FAR2: variants seen among roughly 807,000 people sequenced by gnomAD.
FAR2 encodes the protein fatty acyl-CoA reductase 2.
In FAR2, 19 loss-of-function variants were observed where a neutral mutation model predicts 56.0. The observed-to-expected ratio is 0.34, with a 90% CI of 0.24 to 0.50. The LOEUF is 0.50. Ranked by LOEUF, FAR2 falls within the 20% of genes least tolerant of loss-of-function variation. FAR2 has a pLI of 0.98. For synonymous variants in FAR2, 219 were observed against 218.8 expected, an observed-to-expected ratio of 1.00 and a Z score of -0.01; for missense variants, 508 against 642.2, an observed-to-expected ratio of 0.79 and a Z score of 2.26.
chr12:29,264,904 T>A (rs1948487797), intron 1 of FAR2, among the ~76,000 whole-genome samples: 1 of 151,810 alleles, frequency 6.6e-6, no homozygotes, highest in Non-Finnish European at 1.5e-5. Context: ...GAAAAAGAAG[T>A]CCAGAAGGTA....
intron 1 of FAR2, among the ~76,000 whole-genome samples, chr12:29,241,470 G>A (rs571754348): frequency 6.6e-6 from 1 of 152,078 alleles, no homozygotes; most frequent in East Asian, 1.9e-4. Flanking sequence ...ATACTACTCA[G>A]TATTTTTCCC....
At chr12:29,201,343 C>T (rs1215954099) in intron 1 of FAR2, among the ~76,000 whole-genome samples, 1 of 152,076 alleles carries the variant, frequency 6.6e-6, no homozygotes, top group African/African-American at 2.4e-5. Flanking sequence ...TACGTGTGAG[C>T]ATATATTTGT....
chr12:29,151,053 T>C (rs1949677936), intron 1 of FAR2, among the ~76,000 whole-genome samples: 1 of 152,242 alleles, frequency 6.6e-6, no homozygotes, highest in Admixed American at 6.5e-5. Flanking sequence ...TATGATCATC[T>C]TGACCATCTC....
At chr12:29,237,079 A>G (rs1947954258) in intron 1 of FAR2, among the ~76,000 whole-genome samples, 1 of 152,156 alleles carries the variant, frequency 6.6e-6, no homozygotes, top group Admixed American at 6.6e-5. Flanking sequence ...CAACTTGAAA[A>G]TATTTTTTTC....
intron 5 of FAR2, among the ~76,000 whole-genome samples, chr12:29,308,271 T>C (rs1351819940): frequency 6.6e-6 from 1 of 152,202 alleles, no homozygotes; most frequent in Admixed American, 6.5e-5. Context: ...CAGTATACTG[T>C]CATGACCTTT....
chr12:29,305,290 T>G (rs1323239338), intron 4 of FAR2, among the ~76,000 whole-genome samples: 1 of 152,014 alleles, frequency 6.6e-6, no homozygotes, highest in Admixed American at 6.6e-5. Flanking sequence ...CACACCACCA[T>G]GCCCCATTAA....
At chr12:29,313,411 T>C (rs952720678) in intron 8 of FAR2, among the ~76,000 whole-genome samples, 9 of 152,224 alleles carry the variant, frequency 5.9e-5, no homozygotes, top group African/African-American at 1.9e-4. Context: ...AAGTTGGTCA[T>C]AGCATATTAT....
intron 1 of FAR2, among the ~76,000 whole-genome samples, chr12:29,152,260 A>T (rs1443324589): frequency 2.0e-5 from 3 of 152,204 alleles, no homozygotes; most frequent in African/African-American, 7.2e-5. Context: ...CATTTAATTT[A>T]AAAAATCTGT....
chr12:29,223,679 A>G (rs577521989), intron 1 of FAR2: 1 of 152,308 alleles, frequency 6.6e-6, no homozygotes, highest in South Asian at 2.1e-4. Flanking sequence ...GAGCCTTTCA[A>G]TTCAGCTTGG....
intron 1 of FAR2, among the ~76,000 whole-genome samples, chr12:29,212,283 T>A (rs1947559714): frequency 6.6e-6 from 1 of 152,162 alleles, no homozygotes; most frequent in African/African-American, 2.4e-5. Context: ...AAAAAAATAA[T>A]TGCTGAATCT....
chr12:29,168,425 T>A (rs1949851777), intron 1 of FAR2, among the ~76,000 whole-genome samples: 1 of 152,210 alleles, frequency 6.6e-6, no homozygotes, highest in South Asian at 2.1e-4. Flanking sequence ...TGGTGCATGT[T>A]CAGATGTTTC....
chr12:29,305,842 A>C (rs1021352797), intron 4 of FAR2, among the ~76,000 whole-genome samples: 1 of 152,134 alleles, frequency 6.6e-6, no homozygotes, highest in Non-Finnish European at 1.5e-5. Context: ...ATTTTCTAAG[A>C]CAAGCAAACT....
At chr12:29,226,371 G>T (rs768632581) in intron 1 of FAR2, among the ~76,000 whole-genome samples, 3 of 152,146 alleles carry the variant, frequency 2.0e-5, no homozygotes, top group Admixed American at 6.5e-5. Context: ...TGTGAGAATT[G>T]TCTTCAAATT....
intron 1 of FAR2, among the ~76,000 whole-genome samples, chr12:29,265,607 A>G (rs1278247487): frequency 6.6e-6 from 1 of 152,216 alleles, no homozygotes; most frequent in Non-Finnish European, 1.5e-5. Context: ...TCTCCAGTAC[A>G]TGGGTCTGGG....
At chr12:29,219,498 A>G (rs1947660334) in intron 1 of FAR2, among the ~76,000 whole-genome samples, 1 of 152,208 alleles carries the variant, frequency 6.6e-6, no homozygotes, top group South Asian at 2.1e-4. Flanking sequence ...CTCCATGAGA[A>G]CAGGGACTTT....
At chr12:29,187,331 C>T (rs1950053831) in intron 1 of FAR2, among the ~76,000 whole-genome samples, 2 of 151,918 alleles carry the variant, frequency 1.3e-5, no homozygotes, top group Admixed American at 6.6e-5. Flanking sequence ...TAACGTTTTG[C>T]TTGGAGTATT....
intron 1 of FAR2, among the ~76,000 whole-genome samples, chr12:29,245,544 G>A (rs191551401): frequency 3.3e-5 from 5 of 152,186 alleles, no homozygotes; most frequent in African/African-American, 2.4e-5. Context: ...TCTGATTTGC[G>A]TTAAAGTATG....
intron 1 of FAR2, among the ~76,000 whole-genome samples, chr12:29,199,618 AAG>A (rs1555179997): frequency 3.7e-4 from 54 of 145,978 alleles, no homozygotes; most frequent in African/African-American, 1.3e-3. Context: ...AAAAAAAAGA[AAG>A]AAAAGAAACA....
intron 7 of FAR2, 55 bp from the exon 8 acceptor site, chr12:29,311,826 TTC>T: frequency 4.0e-6 from 5 of 1,252,816 alleles, no homozygotes; most frequent in Non-Finnish European, 4.6e-6. Flanking sequence ...TTCCTTATTT[TTC>T]TCTCATTAGT....
Sources: gnomAD v4.1 joint callset for allele counts (sites outside exome capture counted in the v4.1 genomes callset) on GRCh38, gnomAD v4.1.1 for gene constraint, MANE v1.5 for transcripts, NCBI Gene and HGNC (gene_info 2026-07-23, HGNC 2026-07-21) for gene names.